PKD1L1: variants seen among roughly 807,000 people sequenced by gnomAD.
PKD1L1 encodes the protein polycystin-1-like protein 1.
A neutral mutation model predicts 323.4 loss-of-function variants in PKD1L1; 236 were observed. That is an observed-to-expected ratio of 0.73 (90% CI 0.66 to 0.81). The LOEUF is 0.81. Among genes scored for constraint, PKD1L1 ranks in the 40% least tolerant of loss-of-function variants. The pLI, the probability that PKD1L1 is intolerant of heterozygous loss-of-function variation, is 0.00. For synonymous variants in PKD1L1, 1,344 were observed against 1,335.0 expected, an observed-to-expected ratio of 1.01 and a Z score of -0.15; for missense variants, 3,320 against 3,508.0, an observed-to-expected ratio of 0.95 and a Z score of 1.35.
chr7:47,840,599 G>C lies in PKD1L1; in HGVS notation c.5446-32C>G, dbSNP rs572371866. 5.9e-6 allele frequency: 9 copies of C among 1,521,366 alleles called. No homozygotes were observed. Among genetic ancestry groups the C allele is most frequent in the African/African-American group, 2.7e-5 (2 of 73,128 alleles). 94.2% of individuals were successfully genotyped at this position (1,521,366 alleles called of 1,614,324 possible). A position where few individuals can be genotyped will look rare whatever the true frequency, so the allele number is the denominator to read the frequency against. On this transcript the variant is annotated intron_variant, in intron 34 of 56. Coordinates refer to ENST00000289672, the MANE Select transcript of PKD1L1 (RefSeq NM_138295.5). The surrounding 1 kb of genome is among the most constrained non-coding windows in gnomAD (Gnocchi z 4.1). ...ACAAAGAACAGGGGTGGGAACTCAG[G>C]CTATTTCACAGCAGACACCATGCAA...
At chr7:47,893,763 A>G in intron 15 of PKD1L1, 115 bp downstream of exon 15, 1 of 1,116,418 alleles carries the variant, frequency 9.0e-7, no homozygotes, top group Non-Finnish European at 1.3e-6. Flanking sequence ...AAACTTAACG[A>G]AAGTTGATGT....
At position 47,833,250 on chromosome 7, in the gene PKD1L1, T is replaced by C. The variant is rs534163236; in HGVS notation, c.6177A>G (p.Gln2059=). The C allele has an allele frequency of 6.8e-6, 11 of 1,611,694 alleles. No individual in the cohort carries two copies. The highest frequency in any genetic ancestry group is 6.6e-5 in the South Asian group (6 of 90,528). ...RIPDAQEPRK[Q]PASAILSGSG... ...TCCCAGAGAGAATGGCTGATGCAGG[T>C]TGCTAGAATGACAAGGTCATGCCAA... Residue 2059 remains glutamine (Q), a splice_region_variant and synonymous_variant, in exon 41 of 57, where the codon CAA becomes CAG. Coordinates refer to ENST00000289672, the MANE Select transcript of PKD1L1 (RefSeq NM_138295.5).
rs993806200 is a variant in PKD1L1 at position 47,946,399 on chromosome 7, C to G, written c.44+1998G>C. On this transcript the variant is annotated intron_variant, in intron 1 of 56. Coordinates refer to ENST00000289672, the MANE Select transcript of PKD1L1 (RefSeq NM_138295.5). This position sits in a 1 kb window ranked among gnomAD's most constrained non-coding sequence, Gnocchi z 4.1. The stretch of plus-strand genomic sequence containing the variant: ...CACACCACACCACACTCACACCACA[C>G]AAACACACCACACAGCATCACACAC... Among the ~76,000 whole-genome samples, 1 of 113,904 alleles carries G rather than the reference C, an allele frequency of 8.8e-6. No homozygotes were observed. The highest frequency in any genetic ancestry group is 1.8e-5 in the Non-Finnish European group (1 of 54,522). The allele number at this position is 113,904 out of a possible 152,430, so 74.7% of individuals were successfully genotyped here. A position where few individuals can be genotyped will look rare whatever the true frequency, so the allele number is the denominator to read the frequency against.
intron 54 of PKD1L1, among the ~76,000 whole-genome samples, chr7:47,799,717 G>A (rs559160535): frequency 2.9e-4 from 44 of 152,278 alleles, no homozygotes; most frequent in Non-Finnish European, 5.3e-4. Flanking sequence ...GGAGGGATCC[G>A]AGGGAAGGCA....
chr7:47,856,043 T>A (rs1785897024), intron 28 of PKD1L1, among the ~76,000 whole-genome samples: 2 of 152,068 alleles, frequency 1.3e-5, no homozygotes, highest in South Asian at 4.2e-4. Flanking sequence ...TATGTATATC[T>A]ATATATTTTT....
At position 47,879,711 on chromosome 7, in the gene PKD1L1, A is replaced by T. The variant is rs1786492180; in HGVS notation, c.3520+1017T>A. On this transcript the variant is annotated intron_variant, in intron 21 of 56. Coordinates refer to ENST00000289672, the MANE Select transcript of PKD1L1 (RefSeq NM_138295.5). ...CACTTTGGGAGGCTGAGACGGGCAG[A>T]TCACAAGGTCAGGAGATCGAGACCA... 3.4e-5 allele frequency among the ~76,000 whole-genome samples: 5 copies of T among 146,748 alleles called. No individual in the cohort carries two copies. In the South Asian group the frequency reaches 1.1e-3, roughly 32 times the overall value.
chr7:47,803,680 G>A (rs1385056960), intron 52 of PKD1L1, among the ~76,000 whole-genome samples: 1 of 152,148 alleles, frequency 6.6e-6, no homozygotes, highest in African/African-American at 2.4e-5. Context: ...TCAGTCTACT[G>A]GGCTATAAGA....
chr7:47,959,109 C>T, the PKD1L1 span, among the ~76,000 whole-genome samples: 1 of 152,370 alleles, frequency 6.6e-6, no homozygotes, highest in East Asian at 1.9e-4. Flanking sequence ...CAGATGGAGT[C>T]TGGTTCACTC....
At chr7:47,842,550 C>T (rs4565362) in intron 34 of PKD1L1, among the ~76,000 whole-genome samples, 6 of 152,260 alleles carry the variant, frequency 3.9e-5, no homozygotes, top group Non-Finnish European at 7.4e-5. Context: ...GGGCCCAGTG[C>T]TAGACTATTT....
chr7:47,815,434 C>T lies in PKD1L1; in HGVS notation c.6989G>A (p.Gly2330Asp). 1 of 1,613,962 alleles carries T rather than the reference C, an allele frequency of 6.2e-7. No homozygotes were observed. Among genetic ancestry groups the T allele is most frequent in the South Asian group, 1.1e-5 (1 of 91,050 alleles). ...FTRNARNCLG[G>D]LRNIADWWDW... ...CCACCAGTCAGCGATGTTTCTCAGG[C>T]CACCCAAGCAGTTTCTGGCATTTCT... is the stretch of plus-strand genomic sequence containing the variant. The change falls in exon 47 of 57, where the codon GGC becomes GAC. Residue 2330 changes from glycine to aspartate, a missense_variant. Coordinates refer to ENST00000289672, the MANE Select transcript of PKD1L1 (RefSeq NM_138295.5).
At chr7:47,814,583 C>A (rs1784975336) in intron 47 of PKD1L1, among the ~76,000 whole-genome samples, 1 of 152,172 alleles carries the variant, frequency 6.6e-6, no homozygotes, top group Admixed American at 6.5e-5. Flanking sequence ...GTGGCATGAT[C>A]TTGGCTCACT....
intron 6 of PKD1L1, 138 bp downstream of exon 6, chr7:47,930,966 T>C: frequency 1.1e-6 from 1 of 915,678 alleles, no homozygotes; most frequent in Non-Finnish European, 1.6e-6. Context: ...CATTGTAACT[T>C]GAAAGTCACT....
intron 55 of PKD1L1, chr7:47,795,588 G>T (rs1377359561): frequency 8.7e-6 from 3 of 344,690 alleles, no homozygotes; most frequent in Non-Finnish European, 1.7e-5. Flanking sequence ...GCATGTCTGG[G>T]GTGACTGAAC....
intron 7 of PKD1L1, among the ~76,000 whole-genome samples, chr7:47,919,275 A>G (rs1408185564): frequency 6.6e-6 from 1 of 152,198 alleles, no homozygotes; most frequent in Non-Finnish European, 1.5e-5. Context: ...GAAAACCTAG[A>G]AGAGATGGAT....
rs780577687 is a variant in PKD1L1 at position 47,873,961 on chromosome 7, C to CT, written c.3833_3834insA (p.Cys1279ValfsTer15). 9 of 1,613,882 alleles carry CT rather than the reference C, an allele frequency of 5.6e-6. No homozygotes were observed. Among genetic ancestry groups the CT allele is most frequent in the African/African-American group, 1.3e-5 (1 of 74,886 alleles). On this transcript the variant is annotated frameshift_variant, in exon 24 of 57. Transcript: ENST00000289672. LOFTEE classifies it high-confidence loss of function. ...GCAGCACAGTCACCACCACAGTGCA[C>CT]GGCTGGACCTTGGAGCCTTTGCCAT...
At chr7:47,874,221 A>G (rs1304836950) in intron 23 of PKD1L1, among the ~76,000 whole-genome samples, 1 of 152,218 alleles carries the variant, frequency 6.6e-6, no homozygotes, top group African/African-American at 2.4e-5. Flanking sequence ...CAGTTCCTAC[A>G]TGATATATAG....
In PKD1L1 at chr7:47,929,669, TC is replaced by T. The variant is rs768031179; in HGVS notation, c.738-144del. On this transcript the variant is annotated intron_variant, in intron 6 of 56. Transcript: ENST00000289672. Reference sequence around the variant, plus strand: ...GATGAAAGGCTTCACTTCCACTGGTTCTCAGAGTGGGGTCCCAGGGCCAGCA... The same window carrying T: ...GATGAAAGGCTTCACTTCCACTGGTTTCAGAGTGGGGTCCCAGGGCCAGCA... 315 of 752,550 alleles carry T rather than the reference TC, an allele frequency of 4.2e-4. 2 individuals carry two copies. In the Middle Eastern group the frequency reaches 6.1e-3, roughly 15 times the overall value. 46.6% of individuals were successfully genotyped at this position (752,550 alleles called of 1,614,324 possible).
At chr7:47,813,537 C>G (rs570107155) in intron 48 of PKD1L1, 2 of 687,060 alleles carry the variant, frequency 2.9e-6, no homozygotes, top group East Asian at 2.8e-5. Flanking sequence ...AAGGCTTAGA[C>G]CACTTGAAGA....
intron 31 of PKD1L1, among the ~76,000 whole-genome samples, chr7:47,851,418 A>G (rs572497374): frequency 3.3e-5 from 5 of 152,128 alleles, no homozygotes; most frequent in Non-Finnish European, 5.9e-5. Flanking sequence ...TTTTTAACAC[A>G]TTGAATTTTT....
Sources: allele counts gnomAD v4.1 joint callset (sites outside exome capture counted in the v4.1 genomes callset), GRCh38; gene constraint gnomAD v4.1.1; non-coding constraint Gnocchi (gnomAD v3.1); transcripts MANE v1.5; gene names NCBI Gene and HGNC (gene_info 2026-07-23, HGNC 2026-07-21).